Variants in REPS2 observed in about 807,000 individuals in gnomAD.
The protein encoded by REPS2 is ralBP1-associated Eps domain-containing protein 2.
In REPS2, 23 loss-of-function variants were observed where a neutral mutation model predicts 53.6. The observed-to-expected ratio is 0.43, with a 90% CI of 0.31 to 0.61. The LOEUF is 0.61. Ranked by LOEUF, REPS2 falls within the 20% of genes least tolerant of loss-of-function variation. The pLI, the probability that REPS2 is intolerant of heterozygous loss-of-function variation, is 0.11. For missense variants in REPS2, 446 were observed against 534.9 expected (o/e 0.83, Z 1.64); for synonymous variants, 238 against 218.6 (o/e 1.09, Z -0.78).
At chrX:17,193,664 A>G in the REPS2 span, among the ~76,000 whole-genome samples, 1 of 111,526 alleles carries the variant, frequency 9.0e-6, no homozygotes, top group African/African-American at 3.3e-5. Flanking sequence ...TTCTGGTACT[A>G]TATGAACTGG....
intron 1 of REPS2, among the ~76,000 whole-genome samples, chrX:16,965,833 T>C (rs1002939399): frequency 8.9e-6 from 1 of 112,422 alleles, no homozygotes; most frequent in African/African-American, 3.2e-5. Context: ...GAGCACTGAG[T>C]GAACGAGACT....
intron 2 of REPS2, among the ~76,000 whole-genome samples, chrX:17,020,926 C>T (rs914250438): frequency 8.9e-6 from 1 of 112,074 alleles, no homozygotes; most frequent in Non-Finnish European, 1.9e-5. Flanking sequence ...TGAGCCACTG[C>T]GCCCGGCCGC....
chrX:16,989,254 A>G (rs1249741899), intron 1 of REPS2, among the ~76,000 whole-genome samples: 1 of 105,021 alleles, frequency 9.5e-6, no homozygotes, highest in Non-Finnish European at 2.0e-5. Context: ...AATATGTCAA[A>G]AAAAAAAAAA....
chrX:17,112,047 C>T (rs2062978385), intron 14 of REPS2, among the ~76,000 whole-genome samples: 1 of 110,114 alleles, frequency 9.1e-6, no homozygotes, highest in African/African-American at 3.3e-5. Context: ...TGGCTTACTG[C>T]ACCCTCAACC....
At chrX:17,128,349 G>C (rs993127275) in intron 14 of REPS2, among the ~76,000 whole-genome samples, 2 of 109,471 alleles carry the variant, frequency 1.8e-5, no homozygotes, top group Non-Finnish European at 3.8e-5. Context: ...CCCTGTTTGA[G>C]ACAGGGGACT....
downstream of REPS2, among the ~76,000 whole-genome samples, chrX:17,157,837 T>C (rs201090303): frequency 7.1e-5 from 8 of 112,114 alleles, no homozygotes; most frequent in East Asian, 2.8e-4. Flanking sequence ...AATTCAGATA[T>C]CACCAGGGTT....
chrX:17,092,120 CG>C (rs1033352855), intron 13 of REPS2, among the ~76,000 whole-genome samples: 8 of 111,812 alleles, frequency 7.2e-5, no homozygotes, highest in Non-Finnish European at 1.9e-5. Context: ...CCTGAAGAAT[CG>C]GCTCTCTGTT....
intron 13 of REPS2, among the ~76,000 whole-genome samples, chrX:17,089,685 T>C (rs773730583): frequency 8.9e-6 from 1 of 112,804 alleles, no homozygotes; most frequent in Admixed American, 9.4e-5. Flanking sequence ...TTGAGGTTCA[T>C]TCATGTTGTA....
chrX:16,975,931 C>T (rs1021532605), intron 1 of REPS2, among the ~76,000 whole-genome samples: 3 of 112,081 alleles, frequency 2.7e-5, no homozygotes, highest in Non-Finnish European at 3.8e-5. Context: ...ATTTAAAGTT[C>T]ACTATAAAAC....
At chrX:17,030,784 A>G (rs1167118648) in intron 5 of REPS2, among the ~76,000 whole-genome samples, 1 of 112,438 alleles carries the variant, frequency 8.9e-6, no homozygotes, top group Non-Finnish European at 1.9e-5. Context: ...GGTTTCATTC[A>G]TAACTAGTCA....
At chrX:16,970,115 C>T (rs754844790) in intron 1 of REPS2, among the ~76,000 whole-genome samples, 14 of 111,056 alleles carry the variant, frequency 1.3e-4, no homozygotes, top group Non-Finnish European at 2.5e-4. Flanking sequence ...ATTTAATGCA[C>T]TCACCATAAT....
chrX:17,040,945 T>TGAA (rs1477551886), intron 5 of REPS2, among the ~76,000 whole-genome samples: 1 of 112,165 alleles, frequency 8.9e-6, no homozygotes, highest in Non-Finnish European at 1.9e-5. Flanking sequence ...GATCTTCCTT[T>TGAA]CCTTTGGGTC....
chrX:16,966,886 T>G (rs1030662193), intron 1 of REPS2, among the ~76,000 whole-genome samples: 2 of 112,515 alleles, frequency 1.8e-5, no homozygotes, highest in African/African-American at 6.5e-5. Flanking sequence ...CTGTAAACAT[T>G]CTTGACAGTT....
At chrX:17,180,329 A>G in the REPS2 span, among the ~76,000 whole-genome samples, 4 of 111,560 alleles carry the variant, frequency 3.6e-5, no homozygotes, top group African/African-American at 1.3e-4. Flanking sequence ...GGAACTTGGA[A>G]ACTGACAGAT....
chrX:17,068,484 T>A lies in REPS2; in HGVS notation c.1279+13T>A. On this transcript the variant is annotated intron_variant, in intron 10 of 17. Transcript: ENST00000357277. ...GATGACAAACAAGGTAGGAGAAGAA[T>A]GAGTTTTCTTCTTTAACCAGCGTTC... 2 of 1,173,358 alleles carry A rather than the reference T, an allele frequency of 1.7e-6. No individual in the cohort carries two copies. Among genetic ancestry groups the A allele is most frequent in the African/African-American group, 3.5e-5 (2 of 57,086 alleles).
At chrX:17,039,942 A>G (rs2061810969) in intron 5 of REPS2, among the ~76,000 whole-genome samples, 1 of 112,817 alleles carries the variant, frequency 8.9e-6, no homozygotes, top group African/African-American at 3.2e-5. Context: ...ATCGTTTCAA[A>G]AAGTATAGCT....
chrX:17,044,919 G>C (rs1430845932), intron 5 of REPS2, among the ~76,000 whole-genome samples: 1 of 111,263 alleles, frequency 9.0e-6, no homozygotes, highest in East Asian at 2.8e-4. Context: ...ACTGGATTTT[G>C]ATTTTTTTTG....
downstream of REPS2, among the ~76,000 whole-genome samples, chrX:17,153,869 C>T (rs1389542756): frequency 1.8e-5 from 2 of 111,423 alleles, no homozygotes; most frequent in Non-Finnish European, 3.8e-5. Flanking sequence ...CACTGGAGAT[C>T]ACCAGGCCCT....
At chrX:17,035,011 A>C (rs980597069) in intron 5 of REPS2, among the ~76,000 whole-genome samples, 11 of 110,502 alleles carry the variant, frequency 1.0e-4, no homozygotes, top group Non-Finnish European at 1.7e-4. Context: ...CTCCTCCCCT[A>C]GATATAACTG....
Sources: allele counts gnomAD v4.1 joint callset (sites outside exome capture counted in the v4.1 genomes callset), GRCh38; gene constraint gnomAD v4.1.1; transcripts MANE v1.5; gene names NCBI Gene and HGNC (gene_info 2026-07-23, HGNC 2026-07-21).